Variants in HDAC9 observed in about 807,000 individuals in gnomAD.
HDAC9 encodes the protein MEF-2 interacting transcription repressor (MITR) protein.
In HDAC9, 41 loss-of-function variants were observed where a neutral mutation model predicts 139.4. The observed-to-expected ratio is 0.29, with a 90% CI of 0.23 to 0.38. The LOEUF (loss-of-function observed/expected upper bound fraction) is 0.38. HDAC9 is among the 10% of genes least tolerant of loss of function. The probability of loss-of-function intolerance (pLI) is 1.00; values close to 1 mark genes in which losing one functional copy is unlikely to be tolerated. For missense variants in HDAC9, 1,147 were observed against 1,297.0 expected (o/e 0.88, Z 1.78); for synonymous variants, 517 against 476.2 (o/e 1.09, Z -1.12).
At chr7:18,487,898 A>C (rs1386602407) in intron 1 of HDAC9, among the ~76,000 whole-genome samples, 3 of 152,060 alleles carry the variant, frequency 2.0e-5, no homozygotes, top group African/African-American at 7.2e-5. Flanking sequence ...CAATTATGTT[A>C]GCAAGTAGTA....
intron 6 of HDAC9, among the ~76,000 whole-genome samples, chr7:18,606,295 A>G (rs1413861537): frequency 6.6e-6 from 1 of 152,206 alleles, no homozygotes; most frequent in African/African-American, 2.4e-5. Context: ...GTGGAAATGA[A>G]ACCAGAAGAC....
chr7:18,176,745 A>G (rs1187348875), intron 2 of HDAC9, among the ~76,000 whole-genome samples: 3 of 152,222 alleles, frequency 2.0e-5, no homozygotes, highest in Middle Eastern at 3.4e-3. Flanking sequence ...TTATTTCATC[A>G]TGTTTGGATA....
At chr7:18,523,897 C>T (rs1805913833) in intron 2 of HDAC9, among the ~76,000 whole-genome samples, 1 of 147,784 alleles carries the variant, frequency 6.8e-6, no homozygotes, top group East Asian at 2.0e-4. Context: ...CCCTCCCCCA[C>T]CTCCCCCTCC....
intron 6 of HDAC9, among the ~76,000 whole-genome samples, chr7:18,607,011 G>A (rs893782211): frequency 3.9e-5 from 6 of 151,964 alleles, no homozygotes; most frequent in Admixed American, 6.6e-5. Context: ...TAATACAAAT[G>A]TATAATTTAT....
intron 6 of HDAC9, among the ~76,000 whole-genome samples, chr7:18,607,687 A>T (rs1213915699): frequency 6.6e-6 from 1 of 152,184 alleles, no homozygotes; most frequent in Non-Finnish European, 1.5e-5. Flanking sequence ...CTATGAGCAT[A>T]GTGCTTCATG....
chr7:18,180,257 AC>A, intron 2 of HDAC9, among the ~76,000 whole-genome samples: 1 of 150,952 alleles, frequency 6.6e-6, no homozygotes, highest in South Asian at 2.1e-4. Flanking sequence ...ACACACACAC[AC>A]ACACACACAC....
chr7:18,097,635 A>G (rs976092760), intron 1 of HDAC9, among the ~76,000 whole-genome samples: 1 of 152,220 alleles, frequency 6.6e-6, no homozygotes, highest in South Asian at 2.1e-4. Context: ...CAGTGTGATC[A>G]TAGCTCACTG....
chr7:18,876,539 C>T (rs1799333506), intron 22 of HDAC9, among the ~76,000 whole-genome samples: 2 of 152,262 alleles, frequency 1.3e-5, no homozygotes, highest in South Asian at 4.1e-4. Flanking sequence ...TGAAACTCTT[C>T]ACATATCTTA....
At chr7:18,586,915 CT>C (rs554401950) in intron 3 of HDAC9, among the ~76,000 whole-genome samples, 208 of 152,054 alleles carry the variant, frequency 1.4e-3, no homozygotes, top group Non-Finnish European at 2.4e-3. Context: ...TAAATTTGAC[CT>C]TTGAAACAAT....
chr7:18,564,592 T>G, intron 2 of HDAC9, among the ~76,000 whole-genome samples: 1 of 152,344 alleles, frequency 6.6e-6, no homozygotes, highest in South Asian at 2.1e-4. Flanking sequence ...TTTATTTTTT[T>G]ATTCTAAATA....
intron 22 of HDAC9, among the ~76,000 whole-genome samples, chr7:18,889,062 G>A (rs898601597): frequency 2.6e-5 from 4 of 152,068 alleles, no homozygotes; most frequent in East Asian, 1.9e-4. Context: ...CTACAATAAT[G>A]TACACCTCTT....
chr7:18,901,864 T>A (rs984228392), intron 22 of HDAC9, among the ~76,000 whole-genome samples: 26 of 152,256 alleles, frequency 1.7e-4, no homozygotes, highest in Non-Finnish European at 2.9e-4. Context: ...CTTTCTTTTT[T>A]ATTTGTCCCA....
chr7:18,784,922 C>T (rs1225278567), intron 16 of HDAC9, among the ~76,000 whole-genome samples: 4 of 148,152 alleles, frequency 2.7e-5, no homozygotes, highest in Non-Finnish European at 1.5e-5. Flanking sequence ...AAAAACTTGG[C>T]TTTTAATAGG....
chr7:18,982,458 T>G (rs1785018136), intron 25 of HDAC9, among the ~76,000 whole-genome samples: 1 of 152,144 alleles, frequency 6.6e-6, no homozygotes, highest in African/African-American at 2.4e-5. Flanking sequence ...CTCTTTCTTT[T>G]CTGATGTGGT....
At chr7:18,935,673 A>C (rs1563069531) in intron 22 of HDAC9, 136 bp from the exon 23 acceptor site, 2 of 745,196 alleles carry the variant, frequency 2.7e-6, no homozygotes, top group East Asian at 5.0e-5. Flanking sequence ...CCATAAAGTT[A>C]TTTTAAGTAT....
intron 1 of HDAC9, among the ~76,000 whole-genome samples, chr7:18,301,022 T>C (rs2128612687): frequency 6.6e-6 from 1 of 152,266 alleles, no homozygotes; most frequent in Middle Eastern, 3.4e-3. Flanking sequence ...AATTTGTTTC[T>C]TCAAAACTGA....
At chr7:18,323,524 C>T (rs1800191819) in intron 1 of HDAC9, among the ~76,000 whole-genome samples, 1 of 152,082 alleles carries the variant, frequency 6.6e-6, no homozygotes, top group African/African-American at 2.4e-5. Flanking sequence ...TTAGAATCCT[C>T]AGGGGATTTT....
intron 13 of HDAC9, among the ~76,000 whole-genome samples, chr7:18,748,334 T>A (rs184114695): frequency 6.6e-6 from 1 of 152,242 alleles, no homozygotes; most frequent in Admixed American, 6.5e-5. Context: ...TAATCTCTAG[T>A]AGTGGCATTG....
At chr7:18,434,787 T>A (rs1435823191) in intron 1 of HDAC9, among the ~76,000 whole-genome samples, 1 of 152,112 alleles carries the variant, frequency 6.6e-6, no homozygotes, top group Non-Finnish European at 1.5e-5. Flanking sequence ...TATACACAGT[T>A]GGTGGGAATG....
Sources: allele counts gnomAD v4.1 joint callset (sites outside exome capture counted in the v4.1 genomes callset), GRCh38; gene constraint gnomAD v4.1.1; transcripts MANE v1.5; gene names NCBI Gene and HGNC (gene_info 2026-07-23, HGNC 2026-07-21).